Variants in NBEA observed in about 807,000 individuals in gnomAD.
NBEA encodes the protein lysosomal-trafficking regulator 2.
In NBEA, 44 loss-of-function variants were observed where a neutral mutation model predicts 343.4. That is an observed-to-expected ratio of 0.13 (90% CI 0.10 to 0.16). NBEA has a LOEUF of 0.16. NBEA is among the 10% of genes least tolerant of loss of function. The pLI is 1.00. For synonymous variants in NBEA, 1,175 were observed against 1,238.7 expected, an observed-to-expected ratio of 0.95 and a Z score of 1.08; for missense variants, 2,555 against 3,631.3, an observed-to-expected ratio of 0.70 and a Z score of 7.62.
chr13:35,012,368 C>T (rs1274501277), intron 1 of NBEA, among the ~76,000 whole-genome samples: 1 of 152,138 alleles, frequency 6.6e-6, no homozygotes, highest in African/African-American at 2.4e-5. Context: ...TCAACTCGCT[C>T]CACCCTCATG....
chr13:35,379,596 A>G (rs1040057525), intron 38 of NBEA, among the ~76,000 whole-genome samples: 1 of 152,108 alleles, frequency 6.6e-6, no homozygotes, highest in Non-Finnish European at 1.5e-5. Context: ...CTAGTGTGGC[A>G]TCACAAAGAT....
intron 41 of NBEA, among the ~76,000 whole-genome samples, chr13:35,490,494 T>C (rs1265106096): frequency 1.3e-5 from 2 of 151,910 alleles, no homozygotes; most frequent in Non-Finnish European, 2.9e-5. Context: ...TAATCCAGCC[T>C]CAGATAAATT....
chr13:34,966,953 CCTTT>C (rs1038865814), intron 1 of NBEA, among the ~76,000 whole-genome samples: 2 of 150,334 alleles, frequency 1.3e-5, no homozygotes, highest in Non-Finnish European at 3.0e-5. Flanking sequence ...TTTCAACTAA[CCTTT>C]CTTTTTTTTT....
chr13:35,597,227 C>G (rs909953571), intron 47 of NBEA, among the ~76,000 whole-genome samples: 1 of 152,124 alleles, frequency 6.6e-6, no homozygotes, highest in African/African-American at 2.4e-5. Context: ...ATACTATTAA[C>G]TATACCGTGG....
chr13:35,300,895 AC>A (rs1434896196), intron 35 of NBEA, among the ~76,000 whole-genome samples: 1 of 151,994 alleles, frequency 6.6e-6, no homozygotes, highest in East Asian at 1.9e-4. Context: ...GCCACCCAAT[AC>A]TGTGTACTGT....
intron 38 of NBEA, among the ~76,000 whole-genome samples, chr13:35,402,738 G>A (rs142133122): frequency 1.6e-4 from 25 of 152,208 alleles, no homozygotes; most frequent in African/African-American, 6.0e-4. Flanking sequence ...TCTTTGGCAT[G>A]TCTCATAAAT....
rs34358988 is a variant in NBEA, at chr13:35,250,425, TA to T, written c.5776+17814del. On this transcript the variant is annotated intron_variant, in intron 34 of 58. Coordinates refer to ENST00000379939, the MANE Select transcript of NBEA (RefSeq NM_001385012.1). Reference sequence around the variant, plus strand: ...TAAATACAAGCAGTCAGTAAACATGTAAAAAAAAGTCAACCTCATTTGCAAT... The same window carrying T: ...TAAATACAAGCAGTCAGTAAACATGTAAAAAAAGTCAACCTCATTTGCAAT... 2.6e-5 allele frequency among the ~76,000 whole-genome samples: 4 copies of T among 151,952 alleles called. No homozygotes were observed. The South Asian group carries it at 8.3e-4, about 32-fold the overall frequency.
intron 36 of NBEA, among the ~76,000 whole-genome samples, chr13:35,329,499 A>G (rs193283595): frequency 2.0e-5 from 3 of 152,062 alleles, no homozygotes; most frequent in African/African-American, 7.2e-5. Flanking sequence ...AGGAAATTCA[A>G]CTCCACAATT....
chr13:35,045,975 A>C (rs2062838376), intron 4 of NBEA, among the ~76,000 whole-genome samples: 1 of 151,906 alleles, frequency 6.6e-6, no homozygotes, highest in African/African-American at 2.4e-5. Context: ...TTGCCCGCCT[A>C]GGCCTCCCAA....
At chr13:35,321,543 G>C (rs538531033) in intron 36 of NBEA, among the ~76,000 whole-genome samples, 11 of 152,344 alleles carry the variant, frequency 7.2e-5, no homozygotes, top group African/African-American at 1.9e-4. Flanking sequence ...CCTGCTGGGA[G>C]GTGTTTCCTT....
chr13:35,584,504 C>CTT lies in NBEA; in HGVS notation c.7176+478_7176+479dup, dbSNP rs56397549. 2.9e-3 allele frequency among the ~76,000 whole-genome samples: 418 copies of CTT among 143,710 alleles called. 3 individuals carry two copies. Among genetic ancestry groups the CTT allele is most frequent in the African/African-American group, 9.9e-3 (385 of 38,862 alleles). 94.3% of individuals were successfully genotyped at this position (143,710 alleles called of 152,430 possible). ...CATCTATTATTTTTTTATTTCTCTT[C>CTT]TTTTTTTTTTTTTGAGACAGAGTCT... On this transcript the variant is annotated intron_variant, in intron 46 of 58. Transcript: ENST00000379939.
At chr13:35,224,203 G>A (rs1031364886) in intron 33 of NBEA, among the ~76,000 whole-genome samples, 3 of 152,074 alleles carry the variant, frequency 2.0e-5, no homozygotes, top group Admixed American at 6.6e-5. Flanking sequence ...ACCTACCTAC[G>A]TAATCTAGGA....
intron 46 of NBEA, among the ~76,000 whole-genome samples, chr13:35,590,159 T>C (rs1275181954): frequency 6.6e-6 from 1 of 152,036 alleles, no homozygotes; most frequent in African/African-American, 2.4e-5. Flanking sequence ...TAGTCAGACA[T>C]GAGTCAAATG....
intron 49 of NBEA, among the ~76,000 whole-genome samples, chr13:35,643,140 T>C (rs745823561): frequency 2.6e-5 from 4 of 151,992 alleles, no homozygotes; most frequent in Non-Finnish European, 5.9e-5. Context: ...GGAAAATTTC[T>C]ATATGGTAGA....
intron 27 of NBEA, among the ~76,000 whole-genome samples, chr13:35,173,966 A>G (rs1247891110): frequency 6.6e-6 from 1 of 152,188 alleles, no homozygotes; most frequent in Admixed American, 6.5e-5. Flanking sequence ...ATGCCCATTC[A>G]ATGAATGGAG....
intron 44 of NBEA, among the ~76,000 whole-genome samples, chr13:35,566,347 G>T (rs1428168210): frequency 6.6e-6 from 1 of 150,750 alleles, no homozygotes; most frequent in Admixed American, 6.6e-5. Flanking sequence ...GGCGACAGAG[G>T]GAGACACCAT....
At chr13:35,343,453 C>G (rs2039699437) in intron 36 of NBEA, among the ~76,000 whole-genome samples, 1 of 152,072 alleles carries the variant, frequency 6.6e-6, no homozygotes. Flanking sequence ...ATATTATTCT[C>G]AAGCAAACAT....
chr13:35,320,091 A>C (rs2038031801), intron 36 of NBEA, among the ~76,000 whole-genome samples: 1 of 152,060 alleles, frequency 6.6e-6, no homozygotes, highest in African/African-American at 2.4e-5. Flanking sequence ...TAGCCCATTT[A>C]ACATTTAAGG....
chr13:35,432,465 C>CTT, intron 39 of NBEA, 72 bp downstream of exon 39: 2 of 1,342,406 alleles, frequency 1.5e-6, no homozygotes, highest in Non-Finnish European at 2.0e-6. Flanking sequence ...AGAATTCCTT[C>CTT]TTTTTTTTTC....
Sources: allele counts gnomAD v4.1 joint callset (sites outside exome capture counted in the v4.1 genomes callset), GRCh38; gene constraint gnomAD v4.1.1; transcripts MANE v1.5; gene names NCBI Gene and HGNC (gene_info 2026-07-23, HGNC 2026-07-21).